Variants in LYPD8 observed in about 807,000 individuals in gnomAD.
The protein encoded by LYPD8 is ly6/PLAUR domain-containing protein 8.
LYPD8 carries 8 observed loss-of-function variants against 1.7 expected under a neutral mutation model. That is an observed-to-expected ratio of 4.58 (90% confidence interval 2.69 to 8.27). The LOEUF is 8.27. Among genes scored for constraint, LYPD8 ranks in the 30% most tolerant of loss-of-function variants. The pLI is 0.00. For missense variants in LYPD8, 112 were observed against 102.3 expected, an observed-to-expected ratio of 1.09 and a Z score of -0.41; for synonymous variants, 50 against 43.6, an observed-to-expected ratio of 1.15 and a Z score of -0.58.
chr1:248,746,245 C>T (rs1662724416), intron 5 of LYPD8, among the ~76,000 whole-genome samples: 1 of 152,032 alleles, frequency 6.6e-6, no homozygotes, highest in Non-Finnish European at 1.5e-5. Flanking sequence ...CTTTGGGGTC[C>T]TCAATAATTT....
rs1242158747 is a variant in LYPD8 at position 248,751,203 on chromosome 1, A to G, written c.-49-73T>C. ...CTCATCCCCTGGGGCTTTTAATCGC[A>G]CTGTAAGAAGCCCAGTACTCAGTCC... On this transcript the variant is annotated intron_variant, in intron 2 of 6. Coordinates refer to ENST00000590317, the MANE Select transcript of LYPD8 (RefSeq NM_001085474.2). The G allele has an allele frequency of 2.3e-5, 9 of 396,860 alleles. No individual in the cohort carries two copies. In the Admixed American group the frequency reaches 3.5e-4, roughly 16 times the overall value. 24.6% of individuals were successfully genotyped at this position (396,860 alleles called of 1,614,324 possible). A position where few individuals can be genotyped will look rare whatever the true frequency, so the allele number is the denominator to read the frequency against.
chr1:248,743,523 G>A (rs1170545683), intron 6 of LYPD8, among the ~76,000 whole-genome samples: 4 of 152,170 alleles, frequency 2.6e-5, no homozygotes, highest in African/African-American at 7.2e-5. Context: ...GGTGCTTGAC[G>A]CCGCTGAAAA....
rs1241698789 is a variant in LYPD8 at position 248,751,112 on chromosome 1, G to A, written c.-31C>T. On this transcript the variant is annotated 5_prime_UTR_variant, in exon 3 of 7. Coordinates refer to ENST00000590317, the MANE Select transcript of LYPD8 (RefSeq NM_001085474.2). ...TGGAGCTGACTTCTCCCAAGGATGG[G>A]GACCACAGGGCCTCAAGCCTGAAAA... 2.3e-5 allele frequency: 9 copies of A among 398,444 alleles called. No homozygotes were observed. Among genetic ancestry groups the A allele is most frequent in the Non-Finnish European group, 4.0e-5 (9 of 226,062 alleles). The allele number at this position is 398,444 out of a possible 1,614,324, so 24.7% of individuals were successfully genotyped here.
intron 2 of LYPD8, among the ~76,000 whole-genome samples, chr1:248,752,604 ACCCCAC>A (rs1662818718): frequency 1.5e-5 from 2 of 130,998 alleles, no homozygotes; most frequent in Non-Finnish European, 3.3e-5. Context: ...CACCCCACAC[ACCCCAC>A]ACACATCACA....
chr1:248,748,585 C>T (rs1662749942), intron 4 of LYPD8, 132 bp from the exon 5 acceptor site: 3 of 395,130 alleles, frequency 7.6e-6, no homozygotes, highest in Non-Finnish European at 1.3e-5. Flanking sequence ...TTTGAAGACA[C>T]TGGAGAGGGT....
At chr1:248,744,665 C>T (rs1662700535) in intron 6 of LYPD8, among the ~76,000 whole-genome samples, 1 of 152,162 alleles carries the variant, frequency 6.6e-6, no homozygotes, top group South Asian at 2.1e-4. Flanking sequence ...TAGTATCAAA[C>T]TGCTTTTGTA....
At chr1:248,754,184 C>T (rs1662887832) in intron 2 of LYPD8, among the ~76,000 whole-genome samples, 3 of 150,560 alleles carry the variant, frequency 2.0e-5, no homozygotes, top group Admixed American at 2.0e-4. Context: ...TAGGTACACA[C>T]CGAACACACA....
rs1425801337 is a variant in LYPD8 at position 248,742,086 on chromosome 1, C to A, written c.476-2237G>T. Among the ~76,000 whole-genome samples, 3 of 152,202 alleles carry A rather than the reference C, an allele frequency of 2.0e-5. No individual in the cohort carries two copies. In the East Asian group the frequency reaches 5.8e-4, roughly 29 times the overall value. On this transcript the variant is annotated intron_variant, in intron 6 of 6. Coordinates refer to ENST00000590317, the MANE Select transcript of LYPD8 (RefSeq NM_001085474.2). Reference sequence around the variant, plus strand: ...TGGAATATACAACACCAAGGGGGAACCTTAATGTAAGCTATCAACTTTGGG... The same window carrying A: ...TGGAATATACAACACCAAGGGGGAAACTTAATGTAAGCTATCAACTTTGGG...
At chr1:248,750,687 A>G (rs1662786080) in intron 3 of LYPD8, 44 bp from the exon 4 acceptor site, 3 of 398,464 alleles carry the variant, frequency 7.5e-6, no homozygotes, top group Non-Finnish European at 4.4e-6. Context: ...TTCAGTAGAC[A>G]TTTATAGAGC....
intron 4 of LYPD8, among the ~76,000 whole-genome samples, chr1:248,749,915 A>C (rs905661753): frequency 6.7e-6 from 1 of 149,282 alleles, no homozygotes; most frequent in Admixed American, 6.6e-5. Flanking sequence ...AGCCAAAAAT[A>C]CTGTAGTAAA....
intron 6 of LYPD8, among the ~76,000 whole-genome samples, chr1:248,744,519 G>A (rs906622269): frequency 2.1e-5 from 3 of 140,428 alleles, no homozygotes; most frequent in African/African-American, 6.0e-5. Context: ...AATGGGTAGC[G>A]TCAAATGTGG....
intron 6 of LYPD8, among the ~76,000 whole-genome samples, 158 bp downstream of exon 6, chr1:248,744,984 G>T (rs1249069747): frequency 6.6e-6 from 1 of 152,148 alleles, no homozygotes; most frequent in Non-Finnish European, 1.5e-5. Flanking sequence ...CGAGCTCAAG[G>T]CTACATGAGC....
rs563014561 is a variant in LYPD8, at chr1:248,743,306, A to C, written c.475+1836T>G. Among the ~76,000 whole-genome samples, 206 of 152,304 alleles carry C rather than the reference A, an allele frequency of 1.4e-3. 1 individual carries two copies. Among genetic ancestry groups the C allele is most frequent in the African/African-American group, 4.7e-3 (194 of 41,556 alleles). On this transcript the variant is annotated intron_variant, in intron 6 of 6. Transcript: ENST00000590317. ...ATGGCGAAACCCCATCTGTACTACAAATACAAAAAGTAGCCAGGTGTGGTG... is the reference window on the plus strand; with the variant it reads ...ATGGCGAAACCCCATCTGTACTACACATACAAAAAGTAGCCAGGTGTGGTG...
At chr1:248,740,827 A>G (rs1662581493) in intron 6 of LYPD8, among the ~76,000 whole-genome samples, 1 of 151,852 alleles carries the variant, frequency 6.6e-6, no homozygotes, top group Non-Finnish European at 1.5e-5. Flanking sequence ...GCAGGGCTGC[A>G]ATTTGAGTTC....
Position 248,745,205 on chromosome 1 carries a change from C to G in LYPD8, c.412G>C (p.Gly138Arg), listed in dbSNP as rs1662709552. The G allele has an allele frequency of 2.5e-6, 1 of 398,418 alleles. No homozygotes were observed. The highest frequency in any genetic ancestry group is 2.1e-5 in the African/African-American group (1 of 48,568). 24.7% of individuals were successfully genotyped at this position (398,418 alleles called of 1,614,324 possible). A position where few individuals can be genotyped will look rare whatever the true frequency, so the allele number is the denominator to read the frequency against. Residue 138 changes from glycine to arginine, a missense_variant, in exon 6 of 7, where the codon GGG becomes CGG. By Grantham distance (125) the Gly-to-Arg change is moderately radical (BLOSUM62 -2). Transcript: ENST00000590317. ...TCTTCATAGCATTTCCAGGGCTTCC[C>G]ATGACAGGAAGTTCCATTAGATTCA... The part of the protein sequence containing the change: ...CYESNGTSCH[G>R]KPWKCYEEEQ...
chr1:248,750,091 A>G (rs1250829655), intron 4 of LYPD8, among the ~76,000 whole-genome samples: 1 of 152,198 alleles, frequency 6.6e-6, no homozygotes, highest in East Asian at 1.9e-4. Flanking sequence ...TGCTCTGAGA[A>G]AGAGGTTACA....
intron 5 of LYPD8, among the ~76,000 whole-genome samples, chr1:248,745,489 T>C (rs1300285670): frequency 2.6e-5 from 4 of 152,206 alleles, no homozygotes; most frequent in Non-Finnish European, 1.5e-5. Flanking sequence ...CTATCTAGCC[T>C]TTAAGAACTG....
intron 6 of LYPD8, among the ~76,000 whole-genome samples, chr1:248,743,491 A>G (rs1367157539): frequency 6.6e-6 from 1 of 152,194 alleles, no homozygotes; most frequent in African/African-American, 2.4e-5. Flanking sequence ...AACAACCGAA[A>G]TAAGAGGTTC....
At chr1:248,750,126 T>C (rs1662773749) in intron 4 of LYPD8, among the ~76,000 whole-genome samples, 1 of 152,118 alleles carries the variant, frequency 6.6e-6, no homozygotes, top group South Asian at 2.1e-4. Context: ...AAACGCCCTG[T>C]GGGGAGGTCT....
Sources: gnomAD v4.1 joint callset for allele counts (sites outside exome capture counted in the v4.1 genomes callset) on GRCh38, gnomAD v4.1.1 for gene constraint, MANE v1.5 for transcripts, NCBI Gene and HGNC (gene_info 2026-07-23, HGNC 2026-07-21) for gene names.